The following THSD7B variants were observed in gnomAD, a reference collection of about 807,000 sequenced individuals.
The protein encoded by THSD7B is thrombospondin type-1 domain-containing protein 7B.
THSD7B carries 138 observed loss-of-function variants against 213.6 expected under a neutral mutation model. The observed-to-expected ratio is 0.65, with a 90% CI of 0.56 to 0.74. The LOEUF is 0.74. THSD7B is among the 30% of genes least tolerant of loss of function. THSD7B has a pLI of 0.00. For missense variants in THSD7B, 1,931 were observed against 1,991.5 expected (o/e 0.97, Z 0.58); for synonymous variants, 742 against 687.0 (o/e 1.08, Z -1.25).
At chr2:137,609,389 T>C (rs1177733309) in intron 17 of THSD7B, among the ~76,000 whole-genome samples, 3 of 152,182 alleles carry the variant, frequency 2.0e-5, no homozygotes, top group Admixed American at 6.5e-5. Flanking sequence ...GCCTTTCTAA[T>C]AGAGAAGGCT....
intron 3 of THSD7B, 71 bp from the exon 4 acceptor site, chr2:137,094,802 G>A (rs1688009977): frequency 1.3e-6 from 2 of 1,518,120 alleles, no homozygotes; most frequent in Non-Finnish European, 1.8e-6. Context: ...TTTTCTCATG[G>A]TAGGCACTTT....
At chr2:137,023,582 A>C (rs2104845361) in intron 2 of THSD7B, among the ~76,000 whole-genome samples, 1 of 152,304 alleles carries the variant, frequency 6.6e-6, no homozygotes, top group South Asian at 2.1e-4. Context: ...CAAGAACAGA[A>C]GCATTTTGTG....
intron 13 of THSD7B, among the ~76,000 whole-genome samples, chr2:137,408,755 A>G (rs182987895): frequency 1.5e-4 from 23 of 152,290 alleles, no homozygotes; most frequent in African/African-American, 5.3e-4. Context: ...ATGCTGTGCA[A>G]GTCCCTGGCT....
At position 136,906,936 on chromosome 2, in the gene THSD7B, G is replaced by GT. The variant is rs57887270; in HGVS notation, c.139+24648dup. Among the ~76,000 whole-genome samples, 103 of 55,126 alleles carry GT rather than the reference G, an allele frequency of 1.9e-3. 21 individuals are homozygous for GT. In the East Asian group the frequency reaches 0.034, roughly 18 times the overall value. The allele number at this position is 55,126 out of a possible 152,430, so 36.2% of individuals were successfully genotyped here. A position where few individuals can be genotyped will look rare whatever the true frequency, so the allele number is the denominator to read the frequency against. ...ATTCATAGATTCCTTACATTTCAAGGTTTTTTTTTTTTTTTTTTTTTTTTT... is the reference window on the plus strand; with the variant it reads ...ATTCATAGATTCCTTACATTTCAAGGTTTTTTTTTTTTTTTTTTTTTTTTTT... On this transcript the variant is annotated intron_variant, in intron 2 of 27. Coordinates refer to ENST00000409968, the MANE Select transcript of THSD7B (RefSeq NM_001316349.2).
At chr2:136,951,391 A>C (rs143648209) in intron 2 of THSD7B, among the ~76,000 whole-genome samples, 1 of 152,188 alleles carries the variant, frequency 6.6e-6, no homozygotes, top group Non-Finnish European at 1.5e-5. Flanking sequence ...TATAATTTGA[A>C]TGTAGCAAAC....
At chr2:136,858,701 G>A (rs932069573) in intron 1 of THSD7B, among the ~76,000 whole-genome samples, 3 of 152,062 alleles carry the variant, frequency 2.0e-5, no homozygotes, top group African/African-American at 7.3e-5. Flanking sequence ...TGCTACACTG[G>A]GAAATTGACC....
chr2:137,409,532 G>T (rs554576686), intron 13 of THSD7B, among the ~76,000 whole-genome samples: 3 of 152,186 alleles, frequency 2.0e-5, no homozygotes, highest in Non-Finnish European at 4.4e-5. Context: ...TCAGTCTATG[G>T]ATTGGAAGCT....
chr2:137,017,671 T>C (rs1001697557), intron 2 of THSD7B, among the ~76,000 whole-genome samples: 1 of 152,188 alleles, frequency 6.6e-6, no homozygotes, highest in African/African-American at 2.4e-5. Context: ...ACATCCCTTA[T>C]GGTCTGTCAC....
At chr2:137,386,817 C>T (rs1203562179) in intron 12 of THSD7B, among the ~76,000 whole-genome samples, 1 of 152,190 alleles carries the variant, frequency 6.6e-6, no homozygotes, top group Non-Finnish European at 1.5e-5. Context: ...AGTTAATAAT[C>T]TGCTGATTTG....
chr2:137,030,750 A>G (rs1345883927), intron 2 of THSD7B, among the ~76,000 whole-genome samples: 4 of 152,122 alleles, frequency 2.6e-5, no homozygotes, highest in African/African-American at 4.8e-5. Flanking sequence ...AGAGTGGTAT[A>G]ATGGACACTG....
chr2:137,057,759 G>T (rs968674925), intron 3 of THSD7B, among the ~76,000 whole-genome samples: 3 of 152,110 alleles, frequency 2.0e-5, no homozygotes, highest in Admixed American at 1.3e-4. Context: ...GTTGTTCCAA[G>T]AGTGCTTTCT....
At chr2:136,852,513 C>A (rs1055596576) in intron 1 of THSD7B, among the ~76,000 whole-genome samples, 7 of 152,110 alleles carry the variant, frequency 4.6e-5, no homozygotes, top group African/African-American at 1.7e-4. Context: ...AGAGAAGAGG[C>A]ACTGGTTGAG....
intron 14 of THSD7B, among the ~76,000 whole-genome samples, chr2:137,418,551 A>T (rs1011130009): frequency 6.6e-6 from 1 of 152,256 alleles, no homozygotes; most frequent in Non-Finnish European, 1.5e-5. Flanking sequence ...TGCTGGAAAC[A>T]TTCAAATTAC....
chr2:137,000,642 A>G (rs1244102962), intron 2 of THSD7B, among the ~76,000 whole-genome samples: 2 of 152,080 alleles, frequency 1.3e-5, no homozygotes, highest in East Asian at 3.8e-4. Context: ...AAATCTGTTT[A>G]TATTGTTCTT....
In THSD7B at chr2:137,362,983, G is replaced by A. The variant is rs1401184163; in HGVS notation, c.2501-42630G>A. Among the ~76,000 whole-genome samples the A allele has an allele frequency of 5.9e-5, 9 of 152,086 alleles. No homozygotes were observed. In the East Asian group the frequency reaches 1.5e-3, roughly 26 times the overall value. ...TATTCCAAAATTGACCACATAGTTG[G>A]GAGTAAAGCACTCCTCAGCAAATGT... On this transcript the variant is annotated intron_variant, in intron 12 of 27. Coordinates refer to ENST00000409968, the MANE Select transcript of THSD7B (RefSeq NM_001316349.2).
chr2:137,646,490 A>G (rs187752881), intron 21 of THSD7B, among the ~76,000 whole-genome samples: 3,325 of 148,580 alleles, frequency 0.022, 136 homozygotes, highest in African/African-American at 0.078. Context: ...ACAAATACAA[A>G]AAAAAAAAAA....
At chr2:136,810,396 C>T (rs766156603) in intron 1 of THSD7B, among the ~76,000 whole-genome samples, 3 of 152,206 alleles carry the variant, frequency 2.0e-5, no homozygotes, top group Non-Finnish European at 4.4e-5. Flanking sequence ...AAAGTGGTCA[C>T]TAAGTGTAAA....
intron 7 of THSD7B, among the ~76,000 whole-genome samples, chr2:137,229,420 G>T (rs186864510): frequency 6.6e-6 from 1 of 152,058 alleles, no homozygotes; most frequent in Admixed American, 6.6e-5. Flanking sequence ...ACTGAAGAGA[G>T]AATTATTGGA....
At chr2:137,120,672 C>T (rs987505634) in intron 5 of THSD7B, among the ~76,000 whole-genome samples, 15 of 152,198 alleles carry the variant, frequency 9.9e-5, no homozygotes, top group Admixed American at 8.5e-4. Flanking sequence ...GCCATTTCTC[C>T]CCAGGTTATT....
Sources: allele counts gnomAD v4.1 joint callset (sites outside exome capture counted in the v4.1 genomes callset), GRCh38; gene constraint gnomAD v4.1.1; transcripts MANE v1.5; gene names NCBI Gene and HGNC (gene_info 2026-07-23, HGNC 2026-07-21).